The following SV2B variants were observed in gnomAD, a reference collection of about 807,000 sequenced individuals.
SV2B encodes the protein solute carrier family 22 member B2.
Under a neutral mutation model 73.9 loss-of-function variants are expected in SV2B, and 41 were observed. That is an observed-to-expected ratio of 0.56 (90% CI 0.43 to 0.72). The LOEUF (loss-of-function observed/expected upper bound fraction) is 0.72, where lower values mean the gene tolerates loss of function less well. Ranked by LOEUF, SV2B falls within the 30% of genes least tolerant of loss-of-function variation. The pLI is 0.00. For synonymous variants in SV2B, 314 were observed against 314.2 expected, an observed-to-expected ratio of 1.00 and a Z score of 0.01; for missense variants, 764 against 857.8, an observed-to-expected ratio of 0.89 and a Z score of 1.37.
intron 11 of SV2B, among the ~76,000 whole-genome samples, chr15:91,285,522 G>A (rs981860405): frequency 2.6e-5 from 4 of 152,232 alleles, no homozygotes; most frequent in Non-Finnish European, 5.9e-5. Flanking sequence ...AGACACTACA[G>A]GTTGGCATCT....
In SV2B at chr15:91,298,262, C is replaced by G. The variant is rs1272292352; in HGVS notation, c.*5710C>G. 1 of 152,232 alleles carries G rather than the reference C, an allele frequency of 6.6e-6. No homozygotes were observed. The highest frequency in any genetic ancestry group is 6.5e-5 in the Admixed American group (1 of 15,288). 9.4% of individuals were successfully genotyped at this position (152,232 alleles called of 1,614,324 possible). A position where few individuals can be genotyped will look rare whatever the true frequency, so the allele number is the denominator to read the frequency against. ...GTGTCTTGTGCTATGCTAGGTCTCTCTCTCTCTAAGTGGACTCTGACCCTG... is the reference window on the plus strand; with the variant it reads ...GTGTCTTGTGCTATGCTAGGTCTCTGTCTCTCTAAGTGGACTCTGACCCTG... On this transcript the variant is annotated 3_prime_UTR_variant, in exon 13 of 13. Transcript: ENST00000394232. The surrounding 1 kb of genome is among the most constrained non-coding windows in gnomAD (Gnocchi z 5.4).
chr15:91,158,729 T>TC (rs1567300891), intron 1 of SV2B, among the ~76,000 whole-genome samples: 7 of 59,106 alleles, frequency 1.2e-4, no homozygotes, highest in African/African-American at 4.2e-4. Flanking sequence ...CTCTCCTCTC[T>TC]TCTCCTCTTT....
chr15:91,170,725 T>C (rs1323693057), intron 1 of SV2B, among the ~76,000 whole-genome samples: 1 of 152,244 alleles, frequency 6.6e-6, no homozygotes, highest in East Asian at 1.9e-4. Flanking sequence ...GAAACTAGAA[T>C]AGTGCTTGGC....
intron 5 of SV2B, 32 bp from the exon 6 acceptor site, chr15:91,260,288 A>AT (rs1223287214): frequency 6.3e-7 from 1 of 1,584,868 alleles, no homozygotes; most frequent in South Asian, 1.2e-5. Context: ...TCAGCAATGA[A>AT]TTTTTCCTGT....
At chr15:91,101,635 T>G (rs942309057) in intron 1 of SV2B, among the ~76,000 whole-genome samples, 1 of 152,094 alleles carries the variant, frequency 6.6e-6, no homozygotes, top group Non-Finnish European at 1.5e-5. Flanking sequence ...AGTATAAAAA[T>G]GAAGCCCTCA....
chr15:91,199,563 G>A (rs1458398011), intron 1 of SV2B, among the ~76,000 whole-genome samples: 1 of 152,194 alleles, frequency 6.6e-6, no homozygotes, highest in Non-Finnish European at 1.5e-5. Context: ...GGCATCTTGG[G>A]GCAGGGCAAA....
At position 91,197,879 on chromosome 15, in the gene SV2B, C is replaced by A. The variant is rs934694852; in HGVS notation, c.-391-27994C>A. On this transcript the variant is annotated intron_variant, in intron 1 of 12. Coordinates refer to ENST00000394232, the MANE Select transcript of SV2B (RefSeq NM_001323032.3). The surrounding 1 kb of genome is among the most constrained non-coding windows in gnomAD (Gnocchi z 4.9). ...TGAAAACCCATCTCTACAAAAAATA[C>A]AAAAATTAGCCAGGCATGGTGGGGG... Among the ~76,000 whole-genome samples, 1 of 151,908 alleles carries A rather than the reference C, an allele frequency of 6.6e-6. No homozygotes were observed. The highest frequency in any genetic ancestry group is 2.4e-5 in the African/African-American group (1 of 41,368).
At chr15:91,177,304 A>G (rs1340812982) in intron 1 of SV2B, among the ~76,000 whole-genome samples, 5 of 151,726 alleles carry the variant, frequency 3.3e-5, no homozygotes, top group Non-Finnish European at 5.9e-5. Context: ...GCCTTGTAGT[A>G]TAGTTTGAAG....
At chr15:91,103,835 C>T (rs1164908559) in intron 1 of SV2B, among the ~76,000 whole-genome samples, 1 of 152,184 alleles carries the variant, frequency 6.6e-6, no homozygotes, top group Non-Finnish European at 1.5e-5. Context: ...TTCCCCCATC[C>T]AATATCTGGC....
chr15:91,196,559 T>A (rs1012444280), intron 1 of SV2B, among the ~76,000 whole-genome samples: 18 of 151,878 alleles, frequency 1.2e-4, no homozygotes, highest in African/African-American at 4.4e-4. Flanking sequence ...ATGGAAAGAG[T>A]GGCTGAGCTG....
At chr15:91,114,485 T>C (rs1183044298) in intron 1 of SV2B, among the ~76,000 whole-genome samples, 1 of 152,210 alleles carries the variant, frequency 6.6e-6, no homozygotes, top group Non-Finnish European at 1.5e-5. Flanking sequence ...TTAACTGCTT[T>C]AAACTCCAGG....
chr15:91,162,339 A>G (rs780295006), intron 1 of SV2B, among the ~76,000 whole-genome samples: 8 of 152,242 alleles, frequency 5.3e-5, no homozygotes, highest in Non-Finnish European at 7.3e-5. Context: ...TAGGAGCCAG[A>G]TGAATTTCTA....
chr15:91,222,424 C>T (rs538848645), intron 1 of SV2B, among the ~76,000 whole-genome samples: 50 of 152,242 alleles, frequency 3.3e-4, no homozygotes, highest in South Asian at 1.4e-3. Flanking sequence ...TATTACCACA[C>T]GATGCTTTGT....
At chr15:91,193,693 C>T (rs1286764957) in intron 1 of SV2B, among the ~76,000 whole-genome samples, 2 of 152,224 alleles carry the variant, frequency 1.3e-5, no homozygotes, top group Non-Finnish European at 2.9e-5. Context: ...CTAGAAAGCA[C>T]TCAGCTTTCA....
At chr15:91,285,589 G>A (rs560160226) in intron 11 of SV2B, among the ~76,000 whole-genome samples, 3 of 152,356 alleles carry the variant, frequency 2.0e-5, no homozygotes, top group African/African-American at 7.2e-5. Flanking sequence ...TTAGCTTTAT[G>A]TGTGGACCCA....
chr15:91,286,007 A>G (rs1352155483), intron 11 of SV2B, among the ~76,000 whole-genome samples: 1 of 152,230 alleles, frequency 6.6e-6, no homozygotes, highest in African/African-American at 2.4e-5. Context: ...TGCTAAATAA[A>G]GGCACGCTCT....
At chr15:91,158,715 TCTCCTCTC>T (rs2043597867) in intron 1 of SV2B, among the ~76,000 whole-genome samples, 1 of 91,100 alleles carries the variant, frequency 1.1e-5, no homozygotes, top group African/African-American at 4.5e-5. Context: ...TCTCCTCTCC[TCTCCTCTC>T]CTCTCTTCTC....
At chr15:91,237,121 G>A (rs1002520932) in intron 2 of SV2B, among the ~76,000 whole-genome samples, 1 of 152,170 alleles carries the variant, frequency 6.6e-6, no homozygotes, top group Non-Finnish European at 1.5e-5. Context: ...TTCTAATGGA[G>A]GAAATGACAA....
chr15:91,248,525 T>C (rs759889629), intron 2 of SV2B, among the ~76,000 whole-genome samples: 7 of 152,148 alleles, frequency 4.6e-5, no homozygotes, highest in Non-Finnish European at 1.0e-4. Context: ...CAGTAATCGG[T>C]TTATAAATGA....
Sources: allele counts gnomAD v4.1 joint callset (sites outside exome capture counted in the v4.1 genomes callset), GRCh38; gene constraint gnomAD v4.1.1; non-coding constraint Gnocchi (gnomAD v3.1); transcripts MANE v1.5; gene names NCBI Gene and HGNC (gene_info 2026-07-23, HGNC 2026-07-21).